CRIM1: variants seen among roughly 807,000 people sequenced by gnomAD.
CRIM1 encodes cysteine rich transmembrane BMP regulator 1.
CRIM1 carries 32 observed loss-of-function variants against 116.4 expected under a neutral mutation model. The observed-to-expected ratio is 0.27, with a 90% CI of 0.21 to 0.37. The LOEUF is 0.37. Ranked by LOEUF, CRIM1 falls within the 10% of genes least tolerant of loss-of-function variation. The probability of loss-of-function intolerance (pLI) is 1.00; values close to 1 mark genes in which losing one functional copy is unlikely to be tolerated. For missense variants in CRIM1, 1,331 were observed against 1,354.8 expected (o/e 0.98, Z 0.28); for synonymous variants, 590 against 509.2 (o/e 1.16, Z -2.13).
chr2:36,472,669 A>G (rs1286841895), intron 5 of CRIM1, among the ~76,000 whole-genome samples: 1 of 152,200 alleles, frequency 6.6e-6, no homozygotes, highest in African/African-American at 2.4e-5. Context: ...CCCAGATGGT[A>G]GCTGTGGTTG....
At chr2:36,527,164 T>C (rs570194996) in intron 13 of CRIM1, among the ~76,000 whole-genome samples, 1 of 151,130 alleles carries the variant, frequency 6.6e-6, no homozygotes, top group East Asian at 1.9e-4. Flanking sequence ...TATAAATATT[T>C]ACTTATACAT....
At chr2:36,361,161 G>A (rs1392966568) in intron 1 of CRIM1, among the ~76,000 whole-genome samples, 2 of 152,150 alleles carry the variant, frequency 1.3e-5, no homozygotes, top group Non-Finnish European at 1.5e-5. Flanking sequence ...GAGGAGTCCT[G>A]TCACATAAAA....
chr2:36,455,152 CTTCAGAGAG>C (rs1023109984), intron 4 of CRIM1, among the ~76,000 whole-genome samples: 29 of 152,256 alleles, frequency 1.9e-4, no homozygotes, highest in African/African-American at 6.3e-4. Flanking sequence ...GGATGTGTGA[CTTCAGAGAG>C]TTCAGAGAGC....
chr2:36,529,610 A>G (rs1042389320), intron 13 of CRIM1: 3 of 166,194 alleles, frequency 1.8e-5, no homozygotes, highest in Admixed American at 5.8e-5. Context: ...GTTTCCTTCA[A>G]CAACTATCCA....
At chr2:36,508,764 C>A (rs998705756) in intron 8 of CRIM1, among the ~76,000 whole-genome samples, 2 of 152,146 alleles carry the variant, frequency 1.3e-5, no homozygotes, top group Non-Finnish European at 2.9e-5. Context: ...CCCTATATAA[C>A]CTTTTAAAAT....
intron 5 of CRIM1, among the ~76,000 whole-genome samples, chr2:36,471,794 A>G (rs984314298): frequency 4.6e-5 from 7 of 151,658 alleles, no homozygotes; most frequent in African/African-American, 7.3e-5. Context: ...TTTGCATTCA[A>G]AGCCATCCTA....
chr2:36,475,049 T>G (rs1678856197), intron 5 of CRIM1, among the ~76,000 whole-genome samples: 1 of 152,164 alleles, frequency 6.6e-6, no homozygotes, highest in Admixed American at 6.5e-5. Flanking sequence ...CTAACTTTGT[T>G]CTCCCTTTTA....
intron 5 of CRIM1, among the ~76,000 whole-genome samples, chr2:36,475,818 A>T (rs1678928724): frequency 6.6e-6 from 1 of 152,174 alleles, no homozygotes; most frequent in Non-Finnish European, 1.5e-5. Flanking sequence ...GATGCCAAAA[A>T]CTGTGTCTAT....
intron 4 of CRIM1, among the ~76,000 whole-genome samples, chr2:36,451,557 G>A (rs181400021): frequency 7.3e-4 from 111 of 152,268 alleles, no homozygotes; most frequent in African/African-American, 2.4e-3. Flanking sequence ...TGGAACATCT[G>A]TCTGCTTCTG....
chr2:36,547,196 C>T, intron 16 of CRIM1, 25 bp downstream of exon 16: 1 of 1,574,784 alleles, frequency 6.4e-7, no homozygotes. Flanking sequence ...AAGTTAGTCT[C>T]TTGAATGATG....
At chr2:36,523,777 G>A (rs960105158) in intron 13 of CRIM1, among the ~76,000 whole-genome samples, 6 of 152,182 alleles carry the variant, frequency 3.9e-5, no homozygotes, top group Non-Finnish European at 4.4e-5. Context: ...ACAGTTTTGT[G>A]GCATTTCTGA....
At chr2:36,392,786 CA>C (rs1297150474) in intron 1 of CRIM1, among the ~76,000 whole-genome samples, 2 of 152,040 alleles carry the variant, frequency 1.3e-5, no homozygotes, top group Non-Finnish European at 1.5e-5. Flanking sequence ...AGAAGAAAAA[CA>C]AAGTATTGAT....
chr2:36,541,074 C>T (rs921195200), intron 14 of CRIM1, among the ~76,000 whole-genome samples: 1 of 152,082 alleles, frequency 6.6e-6, no homozygotes, highest in Non-Finnish European at 1.5e-5. Context: ...GAGCTTTTGC[C>T]ACCTTCTGTT....
At chr2:36,475,230 C>T (rs1372571335) in intron 5 of CRIM1, among the ~76,000 whole-genome samples, 1 of 152,212 alleles carries the variant, frequency 6.6e-6, no homozygotes, top group Non-Finnish European at 1.5e-5. Context: ...TCCATGAACA[C>T]GGGATGTCCC....
chr2:36,449,518 G>A (rs866358616), intron 4 of CRIM1, among the ~76,000 whole-genome samples: 3 of 152,168 alleles, frequency 2.0e-5, no homozygotes, highest in South Asian at 4.1e-4. Flanking sequence ...GAAAGGGCAC[G>A]AATCATGTGT....
At position 36,544,627 on chromosome 2, in the gene CRIM1, CG is replaced by C. The variant is rs1462454712; in HGVS notation, c.2746+132del. 1.4e-5 allele frequency: 14 copies of C among 972,912 alleles called. No individual in the cohort carries two copies. The African/African-American group carries it at 2.4e-4, about 16-fold the overall frequency. 60.3% of individuals were successfully genotyped at this position (972,912 alleles called of 1,614,324 possible). A position where few individuals can be genotyped will look rare whatever the true frequency, so the allele number is the denominator to read the frequency against. On this transcript the variant is annotated intron_variant, in intron 15 of 16. Coordinates refer to ENST00000280527, the MANE Select transcript of CRIM1 (RefSeq NM_016441.3). ...TGAAGTAAATTCAAATAACTATTCC[CG>C]GGCAGACCTGCTTGGCTGAAACATA... is the stretch of plus-strand genomic sequence containing the variant.
chr2:36,484,983 C>G (rs766433177), intron 7 of CRIM1, among the ~76,000 whole-genome samples: 4 of 152,154 alleles, frequency 2.6e-5, no homozygotes, highest in Non-Finnish European at 5.9e-5. Context: ...ATTGTTAAAG[C>G]TGGATGAGAG....
intron 5 of CRIM1, among the ~76,000 whole-genome samples, chr2:36,472,800 G>A (rs1678637233): frequency 6.6e-6 from 1 of 152,146 alleles, no homozygotes; most frequent in Non-Finnish European, 1.5e-5. Context: ...ATGTATAAAA[G>A]TACTCCGTTT....
At chr2:36,513,121 A>C (rs74566372) in intron 10 of CRIM1, 1 of 200,228 alleles carries the variant, frequency 5.0e-6, no homozygotes, top group African/African-American at 2.4e-5. Context: ...GTTGGAGTAA[A>C]CAAAAATCTA....
Sources: gnomAD v4.1 joint callset for allele counts (sites outside exome capture counted in the v4.1 genomes callset) on GRCh38, gnomAD v4.1.1 for gene constraint, MANE v1.5 for transcripts, NCBI Gene and HGNC (gene_info 2026-07-23, HGNC 2026-07-21) for gene names.